ARHGAP42: variants seen among roughly 807,000 people sequenced by gnomAD.
ARHGAP42 encodes rho GTPase-activating protein 42.
In ARHGAP42, 63 loss-of-function variants were observed where a neutral mutation model predicts 125.0. The ratio of observed to expected loss-of-function variants is 0.50; its 90% confidence interval spans 0.41 to 0.62. ARHGAP42 has a LOEUF of 0.62. Ranked by LOEUF, ARHGAP42 falls within the 20% of genes least tolerant of loss-of-function variation. The pLI is 0.00. For missense variants in ARHGAP42, 766 were observed against 1,024.2 expected (o/e 0.75, Z 3.44); for synonymous variants, 339 against 351.0 (o/e 0.97, Z 0.38).
intron 3 of ARHGAP42, among the ~76,000 whole-genome samples, chr11:100,834,842 C>CTT (rs796992628): frequency 2.3e-5 from 3 of 130,868 alleles, no homozygotes; most frequent in Non-Finnish European, 1.6e-5. Context: ...CTTCTGAGTC[C>CTT]TTTTTTTTTT....
chr11:100,893,803 C>G (rs557931134), intron 4 of ARHGAP42, among the ~76,000 whole-genome samples: 1 of 151,992 alleles, frequency 6.6e-6, no homozygotes, highest in East Asian at 1.9e-4. Context: ...AAAGAAGAAC[C>G]CTATTTCTCA....
chr11:100,870,997 G>A (rs1865682520), intron 4 of ARHGAP42, among the ~76,000 whole-genome samples: 1 of 149,526 alleles, frequency 6.7e-6, no homozygotes, highest in African/African-American at 2.5e-5. Flanking sequence ...GAATACTTTT[G>A]TACACCTTAT....
At chr11:100,926,742 A>T (rs1489550499) in intron 6 of ARHGAP42, among the ~76,000 whole-genome samples, 1 of 152,226 alleles carries the variant, frequency 6.6e-6, no homozygotes, top group Non-Finnish European at 1.5e-5. Flanking sequence ...CTGGTACTTC[A>T]TTAGCGTCAA....
intron 4 of ARHGAP42, among the ~76,000 whole-genome samples, chr11:100,881,835 T>C (rs1208744773): frequency 7.6e-6 from 1 of 131,176 alleles, no homozygotes; most frequent in East Asian, 3.4e-4. Flanking sequence ...TAGTTTTTGT[T>C]TGTTTGTTTG....
chr11:100,907,110 A>C (rs899638006), intron 4 of ARHGAP42, among the ~76,000 whole-genome samples: 1 of 152,176 alleles, frequency 6.6e-6, no homozygotes, highest in African/African-American at 2.4e-5. Flanking sequence ...GTAGTACCTA[A>C]GGGTTCCTGT....
In ARHGAP42 at chr11:100,988,866, T is replaced by C; in HGVS notation, c.*65T>C. 8.0e-7 allele frequency: 1 copy of C among 1,253,026 alleles called. No individual in the cohort carries two copies. Among genetic ancestry groups the C allele is most frequent in the Non-Finnish European group, 1.1e-6 (1 of 889,038 alleles). The allele number at this position is 1,253,026 out of a possible 1,614,324, so 77.6% of individuals were successfully genotyped here. A position where few individuals can be genotyped will look rare whatever the true frequency, so the allele number is the denominator to read the frequency against. ...GTAACGAATAAATGCTATGATTTTA[T>C]CTGACACAGATACACGGGGATCAGC... On this transcript the variant is annotated 3_prime_UTR_variant, in exon 24 of 24. Transcript: ENST00000298815.
At chr11:100,785,833 C>T (rs190868352) in intron 2 of ARHGAP42, among the ~76,000 whole-genome samples, 1 of 152,180 alleles carries the variant, frequency 6.6e-6, no homozygotes, top group Non-Finnish European at 1.5e-5. Context: ...TCTTTTCCTC[C>T]TGTAATGTAG....
intron 4 of ARHGAP42, among the ~76,000 whole-genome samples, chr11:100,912,611 T>A (rs534416733): frequency 1.3e-5 from 2 of 152,296 alleles, no homozygotes; most frequent in East Asian, 3.9e-4. Context: ...AAAAGACATA[T>A]CTGGTGGATA....
At chr11:100,936,139 G>A (rs1277232760) in intron 7 of ARHGAP42, 64 bp from the exon 8 acceptor site, 20 of 1,530,494 alleles carry the variant, frequency 1.3e-5, no homozygotes, top group Non-Finnish European at 1.6e-5. Context: ...CAAAATATTA[G>A]TCTGGATGTT....
intron 1 of ARHGAP42, among the ~76,000 whole-genome samples, chr11:100,747,070 G>A (rs988794708): frequency 6.6e-6 from 1 of 152,156 alleles, no homozygotes; most frequent in African/African-American, 2.4e-5. Context: ...GATCCCCAGG[G>A]CCATGCTGAT....
intron 17 of ARHGAP42, among the ~76,000 whole-genome samples, chr11:100,971,817 A>G (rs1278699501): frequency 6.6e-6 from 1 of 152,132 alleles, no homozygotes; most frequent in Non-Finnish European, 1.5e-5. Flanking sequence ...ATGGGTTGTT[A>G]TATATATAAT....
At position 100,761,888 on chromosome 11, in the gene ARHGAP42, A is replaced by C. The variant is rs147547692; in HGVS notation, c.155-8455A>C. 1.5e-3 allele frequency among the ~76,000 whole-genome samples: 236 copies of C among 152,350 alleles called. 1 individual carries two copies. The South Asian group carries it at 0.016, about 10-fold the overall frequency. On this transcript the variant is annotated intron_variant, in intron 1 of 23. Transcript: ENST00000298815. The stretch of plus-strand genomic sequence containing the variant: ...AAGCCAGTTTTATGTAATATTCATG[A>C]CAGTCTTGCAGAGGATTAATATCTT...
At chr11:100,911,371 C>A (rs551147602) in intron 4 of ARHGAP42, among the ~76,000 whole-genome samples, 147 of 151,966 alleles carry the variant, frequency 9.7e-4, no homozygotes, top group Non-Finnish European at 1.8e-3. Flanking sequence ...AGAACATGAA[C>A]CCTAGTAGAG....
intron 1 of ARHGAP42, among the ~76,000 whole-genome samples, chr11:100,714,768 G>A (rs746591673): frequency 5.9e-5 from 9 of 152,028 alleles, no homozygotes; most frequent in Non-Finnish European, 1.3e-4. Flanking sequence ...CAGTGGTAAC[G>A]CCTATAATCC....
At chr11:100,924,912 C>A (rs1472496249) in intron 6 of ARHGAP42, among the ~76,000 whole-genome samples, 2 of 151,978 alleles carry the variant, frequency 1.3e-5, no homozygotes, top group African/African-American at 4.8e-5. Flanking sequence ...ACTGCAACCT[C>A]CACCTGCCAG....
At chr11:100,812,806 C>A (rs181211779) in intron 3 of ARHGAP42, among the ~76,000 whole-genome samples, 1 of 152,080 alleles carries the variant, frequency 6.6e-6, no homozygotes, top group East Asian at 1.9e-4. Context: ...GTTGATTGGG[C>A]GGGGGGATTA....
At chr11:100,748,037 TC>T (rs1862344954) in intron 1 of ARHGAP42, among the ~76,000 whole-genome samples, 1 of 149,132 alleles carries the variant, frequency 6.7e-6, no homozygotes, top group South Asian at 2.3e-4. Context: ...CAAACTTCTG[TC>T]ATGTCTGTGT....
intron 3 of ARHGAP42, among the ~76,000 whole-genome samples, chr11:100,858,566 CT>C (rs780413408): frequency 5.9e-5 from 9 of 152,000 alleles, no homozygotes; most frequent in Non-Finnish European, 1.3e-4. Context: ...GAAAGTGACA[CT>C]TTTATTGAAA....
At chr11:100,799,728 G>A (rs182206535) in intron 3 of ARHGAP42, among the ~76,000 whole-genome samples, 78 of 152,188 alleles carry the variant, frequency 5.1e-4, no homozygotes, top group African/African-American at 1.5e-3. Flanking sequence ...AAAATATGAC[G>A]GTTTAAAGAA....
Sources: gnomAD v4.1 joint callset for allele counts (sites outside exome capture counted in the v4.1 genomes callset) on GRCh38, gnomAD v4.1.1 for gene constraint, MANE v1.5 for transcripts, NCBI Gene and HGNC (gene_info 2026-07-23, HGNC 2026-07-21) for gene names.